The following DPP10 variants were observed in gnomAD, a reference collection of about 807,000 sequenced individuals.
DPP10 encodes the protein dipeptidyl peptidase like 10.
A neutral mutation model predicts 120.9 loss-of-function variants in DPP10; 33 were observed. The observed-to-expected ratio is 0.27, with a 90% CI of 0.21 to 0.37. The LOEUF (loss-of-function observed/expected upper bound fraction) is 0.37, where lower values mean the gene tolerates loss of function less well. Ranked by LOEUF, DPP10 falls within the 10% of genes least tolerant of loss-of-function variation. The probability of loss-of-function intolerance (pLI) is 1.00; values close to 1 mark genes in which losing one functional copy is unlikely to be tolerated. For missense variants in DPP10, 816 were observed against 942.8 expected, an observed-to-expected ratio of 0.87 and a Z score of 1.76; for synonymous variants, 337 against 326.1, an observed-to-expected ratio of 1.03 and a Z score of -0.36.
chr2:115,727,281 C>T (rs1339034180), intron 7 of DPP10, among the ~76,000 whole-genome samples: 1 of 152,014 alleles, frequency 6.6e-6, no homozygotes, highest in East Asian at 1.9e-4. Context: ...CTGTGTTCCA[C>T]TTATCAATTC....
intron 3 of DPP10, among the ~76,000 whole-genome samples, chr2:115,478,648 A>G (rs981965518): frequency 3.3e-5 from 5 of 152,200 alleles, no homozygotes; most frequent in African/African-American, 1.2e-4. Context: ...TTTGCAAGTC[A>G]TATCTATGGT....
At chr2:115,806,880 T>G (rs1423223561) in intron 19 of DPP10, among the ~76,000 whole-genome samples, 1 of 152,080 alleles carries the variant, frequency 6.6e-6, no homozygotes, top group Non-Finnish European at 1.5e-5. Flanking sequence ...TGTAGAATAT[T>G]TTCCATGATC....
At chr2:115,814,246 G>T (rs1686977571) in intron 19 of DPP10, among the ~76,000 whole-genome samples, 3 of 151,772 alleles carry the variant, frequency 2.0e-5, no homozygotes, top group African/African-American at 4.8e-5. Flanking sequence ...TCTTCAGTGA[G>T]AATTCCACCA....
At chr2:115,179,418 C>A (rs147295510) in intron 1 of DPP10, among the ~76,000 whole-genome samples, 4 of 151,946 alleles carry the variant, frequency 2.6e-5, no homozygotes, top group Admixed American at 6.6e-5. Flanking sequence ...ATAATGAATA[C>A]GTGGTGTGCT....
chr2:115,025,640 C>T (rs1267657058), intron 1 of DPP10, among the ~76,000 whole-genome samples: 1 of 152,068 alleles, frequency 6.6e-6, no homozygotes, highest in African/African-American at 2.4e-5. Context: ...CCAGGTTTCC[C>T]CTTCCTCAAC....
chr2:115,340,818 A>G (rs1479686606), intron 2 of DPP10, among the ~76,000 whole-genome samples: 2 of 151,882 alleles, frequency 1.3e-5, no homozygotes, highest in Non-Finnish European at 2.9e-5. Flanking sequence ...GTTTGTTAGC[A>G]TAATTTCTCT....
chr2:115,730,517 T>G (rs1391708388), intron 8 of DPP10, among the ~76,000 whole-genome samples: 1 of 152,182 alleles, frequency 6.6e-6, no homozygotes, highest in Non-Finnish European at 1.5e-5. Context: ...TCGATGAAGT[T>G]TTCAGTCAAC....
chr2:115,058,276 CA>C (rs556050613), intron 1 of DPP10, among the ~76,000 whole-genome samples: 57 of 113,976 alleles, frequency 5.0e-4, no homozygotes, highest in African/African-American at 1.7e-3. Flanking sequence ...CATAAAGGGA[CA>C]AAAAAAAAAA....
intron 7 of DPP10, among the ~76,000 whole-genome samples, chr2:115,711,023 A>G (rs1345803694): frequency 6.6e-6 from 1 of 152,130 alleles, no homozygotes; most frequent in East Asian, 1.9e-4. Context: ...AAATGAAAGA[A>G]CTGAACTGCT....
chr2:114,862,825 A>G (rs1689921551), intron 1 of DPP10, among the ~76,000 whole-genome samples: 1 of 149,790 alleles, frequency 6.7e-6, no homozygotes, highest in Non-Finnish European at 1.5e-5. Flanking sequence ...GAATACACAA[A>G]TTTCTCATTT....
intron 1 of DPP10, among the ~76,000 whole-genome samples, chr2:114,549,746 G>C (rs1358954552): frequency 6.6e-6 from 1 of 151,616 alleles, no homozygotes; most frequent in African/African-American, 2.4e-5. Context: ...GAGAGGGCGA[G>C]AGGGGCATCC....
chr2:115,423,292 C>G (rs1369283833), intron 3 of DPP10, among the ~76,000 whole-genome samples: 1 of 152,094 alleles, frequency 6.6e-6, no homozygotes, highest in Non-Finnish European at 1.5e-5. Context: ...CTAGCCACAT[C>G]TGAAGTACTC....
At chr2:115,794,962 T>A (rs954377171) in intron 19 of DPP10, among the ~76,000 whole-genome samples, 3 of 152,150 alleles carry the variant, frequency 2.0e-5, no homozygotes, top group East Asian at 1.9e-4. Context: ...ATTGCAAGCA[T>A]CTTGAAGTCT....
At chr2:115,172,383 C>CAAAA (rs369416732) in intron 1 of DPP10, among the ~76,000 whole-genome samples, 1 of 82,486 alleles carries the variant, frequency 1.2e-5, no homozygotes, top group Non-Finnish European at 2.5e-5. Context: ...GAATCCGTCT[C>CAAAA]AAAAAAAAAA....
chr2:115,680,605 A>G (rs867087178), intron 5 of DPP10, among the ~76,000 whole-genome samples: 3 of 151,988 alleles, frequency 2.0e-5, no homozygotes, highest in African/African-American at 4.8e-5. Flanking sequence ...CATAAATTTT[A>G]AAAGTACTAG....
chr2:115,162,282 G>C (rs1220077935), intron 1 of DPP10: 1 of 1,539,624 alleles, frequency 6.5e-7, no homozygotes, highest in Admixed American at 2.1e-5. Flanking sequence ...GGTAAAGGCT[G>C]AAGGTGCCCC....
intron 5 of DPP10, among the ~76,000 whole-genome samples, chr2:115,658,667 T>C (rs574563221): frequency 4.5e-4 from 68 of 152,242 alleles, no homozygotes; most frequent in African/African-American, 1.5e-3. Flanking sequence ...AACTGAATCT[T>C]AAAGATAACT....
chr2:115,714,536 C>G (rs1266398403), intron 7 of DPP10, among the ~76,000 whole-genome samples: 3 of 152,172 alleles, frequency 2.0e-5, no homozygotes, highest in Non-Finnish European at 2.9e-5. Flanking sequence ...TGCGTTTTCC[C>G]TACATCTCTC....
chr2:115,358,755 TCAG>T (rs2064574036), intron 3 of DPP10, among the ~76,000 whole-genome samples: 1 of 152,178 alleles, frequency 6.6e-6, no homozygotes, highest in Non-Finnish European at 1.5e-5. Flanking sequence ...TCCTCACAGT[TCAG>T]CATGCCTGGG....
Sources: gnomAD v4.1 joint callset for allele counts (sites outside exome capture counted in the v4.1 genomes callset) on GRCh38, gnomAD v4.1.1 for gene constraint, MANE v1.5 for transcripts, NCBI Gene and HGNC (gene_info 2026-07-23, HGNC 2026-07-21) for gene names.